The following ATP8A2 variants were observed in gnomAD, a reference collection of about 807,000 sequenced individuals.
ATP8A2 encodes phospholipid-transporting ATPase IB.
In ATP8A2, 100 loss-of-function variants were observed where a neutral mutation model predicts 165.6. The observed-to-expected ratio is 0.60, with a 90% CI of 0.51 to 0.71. The LOEUF (loss-of-function observed/expected upper bound fraction) is 0.71, where lower values mean the gene tolerates loss of function less well. ATP8A2 is among the 30% of genes least tolerant of loss of function. ATP8A2 has a pLI of 0.00. For synonymous variants in ATP8A2, 543 were observed against 548.8 expected (o/e 0.99, Z 0.15); for missense variants, 1,227 against 1,479.5 (o/e 0.83, Z 2.80).
At chr13:25,746,102 A>T (rs547309823) in intron 25 of ATP8A2, among the ~76,000 whole-genome samples, 140 of 152,336 alleles carry the variant, frequency 9.2e-4, no homozygotes, top group African/African-American at 3.2e-3. Flanking sequence ...TACTTTTCAG[A>T]AAAGTCTTTA....
chr13:25,924,566 A>T (rs60993961), intron 33 of ATP8A2, among the ~76,000 whole-genome samples: 4 of 152,068 alleles, frequency 2.6e-5, no homozygotes, highest in African/African-American at 9.7e-5. Context: ...TTTCAACCTA[A>T]TTGTATCTGC....
chr13:25,934,125 G>A (rs1954828898), intron 33 of ATP8A2, among the ~76,000 whole-genome samples: 1 of 152,246 alleles, frequency 6.6e-6, no homozygotes, highest in African/African-American at 2.4e-5. Context: ...CTTAGTGTCA[G>A]TTGCTAACAG....
At chr13:25,685,044 G>A (rs1186782533) in intron 24 of ATP8A2, among the ~76,000 whole-genome samples, 1 of 152,154 alleles carries the variant, frequency 6.6e-6, no homozygotes, top group Admixed American at 6.5e-5. Flanking sequence ...TAAATAACCT[G>A]CTTACAAATT....
At chr13:25,955,608 A>T (rs2139165827) in intron 33 of ATP8A2, among the ~76,000 whole-genome samples, 1 of 152,318 alleles carries the variant, frequency 6.6e-6, no homozygotes, top group Middle Eastern at 3.4e-3. Flanking sequence ...GGCCAATAAC[A>T]AGTTCTGAAA....
At chr13:25,732,739 G>A (rs1294190267) in intron 25 of ATP8A2, among the ~76,000 whole-genome samples, 1 of 152,032 alleles carries the variant, frequency 6.6e-6, no homozygotes, top group African/African-American at 2.4e-5. Flanking sequence ...ATCTCAAAGG[G>A]ATAACAATTA....
chr13:26,022,009 A>C lies in ATP8A2; in HGVS notation c.*2024A>C. ...GCAGAGAGGGCCTGAGGGGCAGCAGAACAATGCAATTCACAGGTGAGGCTC... is the reference window on the plus strand; with the variant it reads ...GCAGAGAGGGCCTGAGGGGCAGCAGCACAATGCAATTCACAGGTGAGGCTC... On this transcript the variant is annotated 3_prime_UTR_variant, in exon 37 of 37. Coordinates refer to ENST00000381655, the MANE Select transcript of ATP8A2 (RefSeq NM_016529.6). 6.6e-6 allele frequency: 1 copy of C among 152,204 alleles called. No individual in the cohort carries two copies. The highest frequency in any genetic ancestry group is 1.9e-4 in the East Asian group (1 of 5,190). The allele number at this position is 152,204 out of a possible 1,614,324, so 9.4% of individuals were successfully genotyped here. A position where few individuals can be genotyped will look rare whatever the true frequency, so the allele number is the denominator to read the frequency against.
chr13:25,865,459 T>G (rs1324082239), intron 33 of ATP8A2, among the ~76,000 whole-genome samples: 4 of 152,324 alleles, frequency 2.6e-5, no homozygotes, highest in South Asian at 4.1e-4. Flanking sequence ...ATTCTGTCTA[T>G]TCATAACATC....
At chr13:25,766,459 G>A (rs1351695094) in intron 25 of ATP8A2, among the ~76,000 whole-genome samples, 2 of 152,150 alleles carry the variant, frequency 1.3e-5, no homozygotes, top group African/African-American at 4.8e-5. Flanking sequence ...ATGTGGTGAT[G>A]TACCTGTTTA....
chr13:25,853,394 A>ATATAT (rs1555278528), intron 30 of ATP8A2, among the ~76,000 whole-genome samples: 413 of 11,580 alleles, frequency 0.036, 1 homozygote, highest in Non-Finnish European at 0.085. Context: ...CTATCTAAAA[A>ATATAT]AAATATATAT....
chr13:25,546,268 G>A (rs940440546), intron 10 of ATP8A2, among the ~76,000 whole-genome samples: 1 of 152,166 alleles, frequency 6.6e-6, no homozygotes, highest in African/African-American at 2.4e-5. Context: ...CTAGGTGTGA[G>A]AAACCTCTTT....
At chr13:25,828,320 A>AGATG in intron 28 of ATP8A2, 128 bp downstream of exon 28, 1 of 793,112 alleles carries the variant, frequency 1.3e-6, no homozygotes, top group Non-Finnish European at 2.1e-6. Flanking sequence ...GCACAAATAC[A>AGATG]TCTTTGGGCC....
chr13:26,003,198 CT>C (rs539506943), intron 35 of ATP8A2, among the ~76,000 whole-genome samples: 1,534 of 139,386 alleles, frequency 0.011, 19 homozygotes, highest in Middle Eastern at 0.023. Context: ...TGTTAGCTTT[CT>C]TTTTTTTTTT....
At chr13:25,467,994 C>T (rs1224540344) in intron 1 of ATP8A2, among the ~76,000 whole-genome samples, 1 of 152,178 alleles carries the variant, frequency 6.6e-6, no homozygotes, top group African/African-American at 2.4e-5. Context: ...GATCCTTTAT[C>T]TCAGACGCCT....
chr13:25,500,256 G>C (rs994766203), intron 2 of ATP8A2, among the ~76,000 whole-genome samples: 6 of 152,174 alleles, frequency 3.9e-5, no homozygotes, highest in South Asian at 2.1e-4. Context: ...GCTGGGGAGA[G>C]AGGGCTCTTG....
At chr13:25,763,153 G>A (rs1042589971) in intron 25 of ATP8A2, among the ~76,000 whole-genome samples, 5 of 152,184 alleles carry the variant, frequency 3.3e-5, no homozygotes, top group African/African-American at 1.2e-4. Flanking sequence ...CTGAAAGTCT[G>A]TGCCTGTGGC....
At chr13:25,567,457 A>C (rs2039349095) in intron 16 of ATP8A2, 1 of 452,294 alleles carries the variant, frequency 2.2e-6, no homozygotes, top group Admixed American at 2.4e-5. Flanking sequence ...TCCTGAGCCA[A>C]ATTTCTTTTT....
intron 24 of ATP8A2, among the ~76,000 whole-genome samples, chr13:25,640,223 A>T (rs1196984178): frequency 6.6e-6 from 1 of 152,206 alleles, no homozygotes; most frequent in African/African-American, 2.4e-5. Context: ...CACATTCAAA[A>T]GCTAGCAGAA....
intron 23 of ATP8A2, among the ~76,000 whole-genome samples, chr13:25,583,363 T>A (rs2039828472): frequency 6.6e-6 from 1 of 152,192 alleles, no homozygotes; most frequent in Non-Finnish European, 1.5e-5. Context: ...CTTTCCACCC[T>A]ATTAGAGCAA....
chr13:25,832,816 C>T (rs966454848), intron 28 of ATP8A2, among the ~76,000 whole-genome samples: 1 of 152,158 alleles, frequency 6.6e-6, no homozygotes, highest in African/African-American at 2.4e-5. Context: ...CTATATAATT[C>T]ATTGTTTTCA....
Sources: allele counts gnomAD v4.1 joint callset (sites outside exome capture counted in the v4.1 genomes callset), GRCh38; gene constraint gnomAD v4.1.1; transcripts MANE v1.5; gene names NCBI Gene and HGNC (gene_info 2026-07-23, HGNC 2026-07-21).